Variants in MIER2 observed in about 807,000 individuals in gnomAD.
MIER2 encodes the protein mesoderm induction early response protein 2.
Under a neutral mutation model 67.6 loss-of-function variants are expected in MIER2, and 30 were observed. The ratio of observed to expected loss-of-function variants is 0.44; its 90% confidence interval spans 0.33 to 0.60. The LOEUF (loss-of-function observed/expected upper bound fraction) is 0.60, where lower values mean the gene tolerates loss of function less well. Ranked by LOEUF, MIER2 falls within the 20% of genes least tolerant of loss-of-function variation. MIER2 has a pLI of 0.02. For missense variants in MIER2, 702 were observed against 745.1 expected (o/e 0.94, Z 0.67); for synonymous variants, 372 against 312.6 (o/e 1.19, Z -2.00).
At chr19:319,712 C>A (rs1255246586) in intron 7 of MIER2, among the ~76,000 whole-genome samples, 1 of 152,160 alleles carries the variant, frequency 6.6e-6, no homozygotes, top group African/African-American at 2.4e-5. Context: ...CCACCCCAGC[C>A]TCCCAAAGTG....
chr19:312,227 G>A lies in MIER2; in HGVS notation c.853C>T (p.Leu285=), dbSNP rs1365347828. 3 of 1,613,846 alleles carry A rather than the reference G, an allele frequency of 1.9e-6. No individual in the cohort carries two copies. The highest frequency in any genetic ancestry group is 2.5e-6 in the Non-Finnish European group (3 of 1,179,898). The change falls in exon 9 of 14, where the codon CTG becomes TTG. Residue 285 remains leucine (L), a synonymous_variant. Transcript: ENST00000264819. ...VKCNFNVEEA[L]RRLRFNVKVI... Reference sequence around the variant, plus strand: ...TTCACGTTGAACCGCAGCCTTCGCAGGGCCTCCTCCACATTGAAGTTGCAT... The same window carrying A: ...TTCACGTTGAACCGCAGCCTTCGCAAGGCCTCCTCCACATTGAAGTTGCAT...
At chr19:316,037 A>C (rs1370225260) in intron 7 of MIER2, among the ~76,000 whole-genome samples, 1 of 152,258 alleles carries the variant, frequency 6.6e-6, no homozygotes, top group Non-Finnish European at 1.5e-5. Flanking sequence ...CAATGGAGTG[A>C]AATTTTTCAA....
intron 7 of MIER2, among the ~76,000 whole-genome samples, chr19:321,557 C>A (rs541481843): frequency 6.6e-6 from 1 of 151,968 alleles, no homozygotes; most frequent in Admixed American, 6.6e-5. Flanking sequence ...AGTGGGAGAA[C>A]TGCTTGAATC....
chr19:323,644 G>T (rs548258546), intron 7 of MIER2, among the ~76,000 whole-genome samples: 2 of 146,538 alleles, frequency 1.4e-5, no homozygotes, highest in African/African-American at 5.1e-5. Flanking sequence ...GACCACAATG[G>T]AACACACAAG....
At chr19:307,653 TC>T in intron 12 of MIER2, 117 bp from the exon 13 acceptor site, 2 of 1,107,778 alleles carry the variant, frequency 1.8e-6, no homozygotes, top group African/African-American at 1.6e-5. Flanking sequence ...CAGAAAAGCC[TC>T]CACACAAATA....
intron 7 of MIER2, among the ~76,000 whole-genome samples, chr19:324,478 C>T (rs1420146992): frequency 7.2e-6 from 1 of 138,346 alleles, no homozygotes; most frequent in Non-Finnish European, 1.5e-5. Flanking sequence ...ATGCAATACA[C>T]AAGACACACA....
intron 4 of MIER2, 36 bp from the exon 5 acceptor site, chr19:327,292 C>T: frequency 1.9e-6 from 3 of 1,562,468 alleles, no homozygotes; most frequent in South Asian, 1.2e-5. Flanking sequence ...GAACATTTTA[C>T]AGTTTAACAA....
At chr19:344,575 G>C (rs879780719) in intron 1 of MIER2, 199 bp downstream of exon 1, 6,959 of 142,286 alleles carry the variant, frequency 0.049, 145 homozygotes, top group Admixed American at 0.15. Context: ...GGGGAGTTGG[G>C]GGGTGGGGGC....
intron 7 of MIER2, among the ~76,000 whole-genome samples, chr19:317,531 A>AAAATAAATAAATAAATAAATAAAT (rs370133340): frequency 6.9e-6 from 1 of 143,928 alleles, no homozygotes. Context: ...TGTCTCAGAA[A>AAAATAAATAAATAAATAAATAAAT]AAATAAATAA....
intron 2 of MIER2, among the ~76,000 whole-genome samples, chr19:335,614 C>G (rs924231432): frequency 6.6e-6 from 1 of 152,210 alleles, no homozygotes; most frequent in Non-Finnish European, 1.5e-5. Context: ...GCGTCAGCTC[C>G]TCCCCGCAGG....
At chr19:307,796 A>G (rs867378269) in intron 12 of MIER2, among the ~76,000 whole-genome samples, 1 of 107,512 alleles carries the variant, frequency 9.3e-6, no homozygotes, top group African/African-American at 5.7e-5. Context: ...TACAATAGAC[A>G]TAGGTGTAAA....
intron 7 of MIER2, among the ~76,000 whole-genome samples, 155 bp downstream of exon 7, chr19:325,480 A>C (rs1359408817): frequency 1.3e-5 from 2 of 152,160 alleles, no homozygotes; most frequent in African/African-American, 4.8e-5. Context: ...CACTGCAGCC[A>C]CGAGAGCCTC....
intron 7 of MIER2, among the ~76,000 whole-genome samples, chr19:317,074 T>C (rs1464668770): frequency 6.6e-6 from 1 of 151,910 alleles, no homozygotes; most frequent in African/African-American, 2.4e-5. Flanking sequence ...AACCTATTAA[T>C]CCAAAAGAAG....
rs752889801 is a variant in MIER2 at position 313,689 on chromosome 19, C to T, written c.656-46G>A. On this transcript the variant is annotated intron_variant, in intron 7 of 13. Coordinates refer to ENST00000264819, the MANE Select transcript of MIER2 (RefSeq NM_017550.3). Reference sequence around the variant, plus strand: ...GGTCAGCTTGCAGGAACCCAATCTGCACCCACACACGCCAGGACAAGCAAA... The same window carrying T: ...GGTCAGCTTGCAGGAACCCAATCTGTACCCACACACGCCAGGACAAGCAAA... The T allele has an allele frequency of 2.1e-5, 33 of 1,588,878 alleles. No individual in the cohort carries two copies. In the African/African-American group the frequency reaches 2.5e-4, roughly 12 times the overall value.
intron 10 of MIER2, among the ~76,000 whole-genome samples, chr19:309,407 C>A (rs1353623976): frequency 6.6e-6 from 1 of 152,150 alleles, no homozygotes; most frequent in African/African-American, 2.4e-5. Context: ...GCCCGCGGCG[C>A]CTGCTTTCCC....
chr19:320,963 T>C (rs533611085), intron 7 of MIER2, among the ~76,000 whole-genome samples: 4 of 152,212 alleles, frequency 2.6e-5, no homozygotes, highest in African/African-American at 7.2e-5. Context: ...GGCACTACAT[T>C]TAGGGGCCAC....
intron 3 of MIER2, among the ~76,000 whole-genome samples, chr19:331,260 A>C (rs1972007641): frequency 6.6e-6 from 1 of 151,948 alleles, no homozygotes; most frequent in South Asian, 2.1e-4. Flanking sequence ...CAGGAGGCTA[A>C]GGCACGAGAA....
At chr19:325,865 A>G (rs58761889) in intron 6 of MIER2, among the ~76,000 whole-genome samples, 161 bp from the exon 7 acceptor site, 22,755 of 152,164 alleles carry the variant, frequency 0.15, 2,190 homozygotes, top group African/African-American at 0.26. Context: ...TGGGGTCTGA[A>G]GGTGGGAGGC....
chr19:310,557 G>GGCCCGGAGCTGCAGAAACACA (rs1970914889), intron 10 of MIER2, among the ~76,000 whole-genome samples: 1 of 71,932 alleles, frequency 1.4e-5, no homozygotes, highest in African/African-American at 8.7e-5. Context: ...GCAGAAACAC[G>GGCCCGGAGCTGCAGAAACACA]GCCCGGAGCT....
Sources: gnomAD v4.1 joint callset for allele counts (sites outside exome capture counted in the v4.1 genomes callset) on GRCh38, gnomAD v4.1.1 for gene constraint, MANE v1.5 for transcripts, NCBI Gene and HGNC (gene_info 2026-07-23, HGNC 2026-07-21) for gene names.